Variants in LYPLAL1 observed in about 807,000 individuals in gnomAD.
The protein encoded by LYPLAL1 is lysophospholipase like 1, also known as lysophospholipase-like protein 1.
Under a neutral mutation model 19.7 loss-of-function variants are expected in LYPLAL1, and 23 were observed. The ratio of observed to expected loss-of-function variants is 1.17; its 90% confidence interval spans 0.84 to 1.65. The LOEUF (loss-of-function observed/expected upper bound fraction) is 1.65, where lower values mean the gene tolerates loss of function less well. Among genes scored for constraint, LYPLAL1 ranks in the 40% most tolerant of loss-of-function variants. The pLI is 0.00. For missense variants in LYPLAL1, 355 were observed against 279.4 expected (o/e 1.27, Z -1.93); for synonymous variants, 119 against 96.3 (o/e 1.24, Z -1.38).
the LYPLAL1 span, among the ~76,000 whole-genome samples, chr1:219,336,449 A>G: frequency 7.2e-5 from 11 of 151,902 alleles, no homozygotes; most frequent in African/African-American, 2.4e-4. Context: ...AAAATACTTA[A>G]GACAGTACCT....
intron 2 of LYPLAL1, among the ~76,000 whole-genome samples, chr1:219,185,568 G>A (rs1354160523): frequency 6.6e-5 from 10 of 151,810 alleles, no homozygotes; most frequent in Non-Finnish European, 1.2e-4. Flanking sequence ...AATAATAATA[G>A]TTTTGTTATG....
chr1:219,382,545 GTAGAGACAGGGTTTCAC>G, the LYPLAL1 span, among the ~76,000 whole-genome samples: 1 of 152,066 alleles, frequency 6.6e-6, no homozygotes, highest in Non-Finnish European at 1.5e-5. Flanking sequence ...TGGATTTTCA[GTAGAGACAGGGTTTCAC>G]CGTGTTAGCC....
the LYPLAL1 span, among the ~76,000 whole-genome samples, chr1:219,286,165 A>C: frequency 0.014 from 2,130 of 152,162 alleles, 63 homozygotes; most frequent in African/African-American, 0.048. Context: ...GGGAGCAGAG[A>C]TATGGGGATG....
the LYPLAL1 span, among the ~76,000 whole-genome samples, chr1:219,403,372 G>A: frequency 1.3e-5 from 2 of 152,200 alleles, no homozygotes. Context: ...CCAGCTTTCA[G>A]AAAACCCTGG....
chr1:219,298,162 T>A, the LYPLAL1 span, among the ~76,000 whole-genome samples: 2 of 151,910 alleles, frequency 1.3e-5, no homozygotes, highest in Admixed American at 6.6e-5. Flanking sequence ...ACATAAAAAT[T>A]TGTCAGGCAT....
the LYPLAL1 span, among the ~76,000 whole-genome samples, chr1:219,293,380 C>T: frequency 6.6e-6 from 1 of 151,994 alleles, no homozygotes; most frequent in Non-Finnish European, 1.5e-5. Flanking sequence ...AAGAAATAAT[C>T]CCATTCCCCA....
the LYPLAL1 span, among the ~76,000 whole-genome samples, chr1:219,413,728 A>C: frequency 6.6e-5 from 10 of 152,220 alleles, no homozygotes; most frequent in Non-Finnish European, 2.9e-5. Flanking sequence ...TAGCCCTGCC[A>C]AAGTGCTCAC....
the LYPLAL1 span, among the ~76,000 whole-genome samples, chr1:219,431,165 A>G: frequency 1.3e-5 from 2 of 152,208 alleles, no homozygotes; most frequent in African/African-American, 4.8e-5. Flanking sequence ...AAATCCACAC[A>G]GTATGAAGGA....
chr1:219,226,044 A>G, the LYPLAL1 span, among the ~76,000 whole-genome samples: 277 of 152,314 alleles, frequency 1.8e-3, 2 homozygotes, highest in African/African-American at 6.0e-3. Flanking sequence ...CCAAGTGTCT[A>G]TGGTAGAAGT....
At chr1:219,334,125 G>T in the LYPLAL1 span, among the ~76,000 whole-genome samples, 1 of 151,934 alleles carries the variant, frequency 6.6e-6, no homozygotes, top group East Asian at 1.9e-4. Context: ...GAATCCCAAG[G>T]CTTCTTTGAT....
chr1:219,284,305 C>T, the LYPLAL1 span, among the ~76,000 whole-genome samples: 1 of 152,132 alleles, frequency 6.6e-6, no homozygotes, highest in African/African-American at 2.4e-5. Flanking sequence ...GAGCAAAAGT[C>T]CTGATCACCA....
At chr1:219,205,858 A>G (rs1369532591) in intron 3 of LYPLAL1, among the ~76,000 whole-genome samples, 1 of 152,224 alleles carries the variant, frequency 6.6e-6, no homozygotes, top group Non-Finnish European at 1.5e-5. Flanking sequence ...GTAGGACTTT[A>G]AAGGCTCTGG....
At chr1:219,237,559 T>C in the LYPLAL1 span, among the ~76,000 whole-genome samples, 5 of 152,264 alleles carry the variant, frequency 3.3e-5, no homozygotes, top group African/African-American at 1.2e-4. Context: ...TATAGAGTTA[T>C]ATTTGTTATC....
the LYPLAL1 span, among the ~76,000 whole-genome samples, chr1:219,336,662 C>G: frequency 6.6e-6 from 1 of 152,094 alleles, no homozygotes; most frequent in East Asian, 1.9e-4. Context: ...ATTCCTACAA[C>G]TAGTATTGCC....
the LYPLAL1 span, among the ~76,000 whole-genome samples, chr1:219,244,874 T>C: frequency 7.5e-6 from 1 of 133,388 alleles, no homozygotes; most frequent in African/African-American, 2.9e-5. Context: ...TTGAACTCAG[T>C]AGGTGAAGGT....
the LYPLAL1 span, among the ~76,000 whole-genome samples, chr1:219,294,438 C>G: frequency 6.6e-6 from 1 of 152,188 alleles, no homozygotes; most frequent in East Asian, 1.9e-4. Flanking sequence ...CAGAGCAAGA[C>G]AGAAGCTCCC....
At chr1:219,374,958 C>T in the LYPLAL1 span, among the ~76,000 whole-genome samples, 1 of 152,206 alleles carries the variant, frequency 6.6e-6, no homozygotes. Flanking sequence ...CCTTCCATCT[C>T]CTTATTCAGC....
the LYPLAL1 span, among the ~76,000 whole-genome samples, chr1:219,375,335 G>T: frequency 1.3e-5 from 2 of 151,692 alleles, no homozygotes; most frequent in Non-Finnish European, 2.9e-5. Flanking sequence ...GCGTGGTGGC[G>T]CATGCCTGCA....
At chr1:219,334,505 G>A in the LYPLAL1 span, among the ~76,000 whole-genome samples, 1 of 146,240 alleles carries the variant, frequency 6.8e-6, no homozygotes, top group Non-Finnish European at 1.5e-5. Flanking sequence ...ACAGCTTTCT[G>A]ACCCAATCAT....
Sources: allele counts gnomAD v4.1 joint callset (sites outside exome capture counted in the v4.1 genomes callset), GRCh38; gene constraint gnomAD v4.1.1; transcripts MANE v1.5; gene names NCBI Gene and HGNC (gene_info 2026-07-23, HGNC 2026-07-21).